Variants in OVCH1 observed in about 807,000 individuals in gnomAD.
OVCH1 encodes the protein ovochymase-1.
In OVCH1, 139 loss-of-function variants were observed where a neutral mutation model predicts 138.4. The observed-to-expected ratio is 1.00, with a 90% CI of 0.87 to 1.16. The LOEUF (loss-of-function observed/expected upper bound fraction) is 1.16, where lower values mean the gene tolerates loss of function less well. OVCH1 is among the 50% of genes most tolerant of loss of function. The pLI is 0.00. For missense variants in OVCH1, 1,367 were observed against 1,357.9 expected (o/e 1.01, Z -0.11); for synonymous variants, 453 against 467.8 (o/e 0.97, Z 0.41).
At chr12:29,418,659 CTG>C (rs567969151) in intron 3 of OVCH1, among the ~76,000 whole-genome samples, 101 of 152,242 alleles carry the variant, frequency 6.6e-4, no homozygotes, top group Non-Finnish European at 1.1e-3. Flanking sequence ...GAGGACAAAA[CTG>C]TGAAAAGCCA....
chr12:29,489,341 A>C (rs1054254603), intron 6 of OVCH1, among the ~76,000 whole-genome samples: 2 of 152,232 alleles, frequency 1.3e-5, no homozygotes, highest in African/African-American at 4.8e-5. Context: ...GAAAGTGGTC[A>C]TCTTGCTTGA....
rs200463064 is a variant in OVCH1 at position 29,452,556 on chromosome 12, C to CA, written c.2531-988dup. Among the ~76,000 whole-genome samples, 909 of 151,992 alleles carry CA rather than the reference C, an allele frequency of 6.0e-3. 7 individuals carry two copies. The highest frequency in any genetic ancestry group is 0.034 in the Middle Eastern group (10 of 294). On this transcript the variant is annotated intron_variant, in intron 21 of 27. Coordinates refer to ENST00000318184, the Ensembl canonical transcript of OVCH1. The stretch of plus-strand genomic sequence containing the variant: ...TACCATCTGGGAATGGTGTATAAAA[C>CA]AAAAAAAATCAAATTGTTTTCCTGC...
At chr12:29,437,270 C>CTTAA (rs1473304652) in intron 26 of OVCH1, among the ~76,000 whole-genome samples, 2 of 152,184 alleles carry the variant, frequency 1.3e-5, no homozygotes, top group African/African-American at 4.8e-5. Flanking sequence ...GGCTTCACCT[C>CTTAA]TTAATTTGTC....
chr12:29,439,571 C>G (rs1025741720), intron 25 of OVCH1: 9 of 1,129,988 alleles, frequency 8.0e-6, no homozygotes, highest in Non-Finnish European at 9.3e-6. Context: ...GGTACTTTAC[C>G]TCTCACACCA....
At chr12:29,429,562 T>G (rs555067286) in intron 27 of OVCH1, among the ~76,000 whole-genome samples, 1 of 152,264 alleles carries the variant, frequency 6.6e-6, no homozygotes, top group Non-Finnish European at 1.5e-5. Context: ...AATTGATTGC[T>G]GATATGGTCT....
the OVCH1 span, among the ~76,000 whole-genome samples, chr12:29,407,101 C>G: frequency 4.6e-5 from 7 of 151,842 alleles, no homozygotes; most frequent in East Asian, 3.9e-4. Flanking sequence ...GCATAAATGT[C>G]TTCTTTTGAG....
At chr12:29,404,369 C>T in the OVCH1 span, among the ~76,000 whole-genome samples, 1 of 152,180 alleles carries the variant, frequency 6.6e-6, no homozygotes, top group Non-Finnish European at 1.5e-5. Flanking sequence ...CTCCCAAATG[C>T]CTGATTCCTG....
intron 26 of OVCH1, among the ~76,000 whole-genome samples, chr12:29,436,388 C>A (rs1941360131): frequency 6.6e-6 from 1 of 151,952 alleles, no homozygotes; most frequent in Non-Finnish European, 1.5e-5. Context: ...TAACATTTGA[C>A]AAGTATAATC....
At chr12:29,438,124 A>T (rs1941398790) in intron 26 of OVCH1, among the ~76,000 whole-genome samples, 1 of 152,098 alleles carries the variant, frequency 6.6e-6, no homozygotes, top group Non-Finnish European at 1.5e-5. Context: ...GTCCTTCTCC[A>T]TATGGTTAAC....
intron 3 of OVCH1, among the ~76,000 whole-genome samples, chr12:29,421,611 C>T (rs902280738): frequency 6.6e-6 from 1 of 152,026 alleles, no homozygotes; most frequent in Admixed American, 6.6e-5. Context: ...TAACAGATAT[C>T]TAGACTTATC....
At chr12:29,417,568 G>C (rs1175413493) in intron 3 of OVCH1, among the ~76,000 whole-genome samples, 2 of 151,934 alleles carry the variant, frequency 1.3e-5, no homozygotes, top group East Asian at 3.9e-4. Context: ...ATTATCAGTG[G>C]GGGAAACTAG....
chr12:29,493,504 T>A (rs1161403451), intron 4 of OVCH1, among the ~76,000 whole-genome samples: 2 of 152,176 alleles, frequency 1.3e-5, no homozygotes, highest in Admixed American at 1.3e-4. Flanking sequence ...TCCATACTCT[T>A]TCTAAACTTC....
downstream of OVCH1, among the ~76,000 whole-genome samples, chr12:29,427,001 C>T (rs1291627739): frequency 1.3e-5 from 2 of 152,218 alleles, no homozygotes; most frequent in African/African-American, 2.4e-5. Flanking sequence ...ACACAATTCA[C>T]TTTGTCACTC....
intron 4 of OVCH1, 41 bp from the exon 5 acceptor site, chr12:29,491,233 G>A (rs769977836): frequency 8.2e-6 from 12 of 1,459,446 alleles, no homozygotes; most frequent in South Asian, 7.0e-5. Context: ...GGATAAATAC[G>A]CCATGTTGAA....
chr12:29,405,021 C>CAAAAAAAAAAAAAAAAAA, the OVCH1 span, among the ~76,000 whole-genome samples: 3 of 80,440 alleles, frequency 3.7e-5, no homozygotes, highest in East Asian at 4.5e-4. Context: ...CACTCCACCT[C>CAAAAAAAAAAAAAAAAAA]AAAAAAAAAA....
intron 8 of OVCH1, among the ~76,000 whole-genome samples, 124 bp from the exon 10 acceptor site, chr12:29,479,092 T>C (rs995168866): frequency 6.6e-6 from 1 of 152,142 alleles, no homozygotes; most frequent in African/African-American, 2.4e-5. Flanking sequence ...TACGAGAAGA[T>C]AAAAGGCAAT....
At chr12:29,437,786 C>T (rs1287139345) in intron 26 of OVCH1, among the ~76,000 whole-genome samples, 1 of 152,162 alleles carries the variant, frequency 6.6e-6, no homozygotes, top group Non-Finnish European at 1.5e-5. Flanking sequence ...ATGGTTAATC[C>T]TGTGTTTTGT....
intron 18 of OVCH1, among the ~76,000 whole-genome samples, chr12:29,463,248 G>A (rs1942198200): frequency 6.6e-6 from 1 of 152,122 alleles, no homozygotes; most frequent in Non-Finnish European, 1.5e-5. Context: ...ATAAAACCAG[G>A]TAGTGCGGAA....
chr12:29,489,603 G>C lies in OVCH1; in HGVS notation c.702+17C>G. Reference sequence around the variant, plus strand: ...CCACATGTTACTGAACAGCTAGGCTGGTTTACACTTTTGTACCTGGCAGGC... The same window carrying C: ...CCACATGTTACTGAACAGCTAGGCTCGTTTACACTTTTGTACCTGGCAGGC... On this transcript the variant is annotated intron_variant, in intron 6 of 27. Coordinates refer to ENST00000318184, the Ensembl canonical transcript of OVCH1. 1 of 1,595,378 alleles carries C rather than the reference G, an allele frequency of 6.3e-7. No homozygotes were observed. The highest frequency in any genetic ancestry group is 8.5e-7 in the Non-Finnish European group (1 of 1,169,878).
Sources: allele counts gnomAD v4.1 joint callset (sites outside exome capture counted in the v4.1 genomes callset), GRCh38; gene constraint gnomAD v4.1.1; transcripts MANE v1.5; gene names NCBI Gene and HGNC (gene_info 2026-07-23, HGNC 2026-07-21).